The following PTPN13 variants were observed in gnomAD, a reference collection of about 807,000 sequenced individuals.
PTPN13 encodes the protein tyrosine-protein phosphatase non-receptor type 13.
PTPN13 carries 191 observed loss-of-function variants against 284.0 expected under a neutral mutation model. That is an observed-to-expected ratio of 0.67 (90% CI 0.60 to 0.76). The LOEUF is 0.76. Among genes scored for constraint, PTPN13 ranks in the 30% least tolerant of loss-of-function variants. The pLI is 0.00. For missense variants in PTPN13, 2,797 were observed against 2,939.9 expected (o/e 0.95, Z 1.12); for synonymous variants, 986 against 1,022.3 (o/e 0.96, Z 0.68).
rs1736592077 is a variant in PTPN13 at position 86,745,119 on chromosome 4, C to A, written c.2641C>A (p.Gln881Lys). 1 of 1,609,356 alleles carries A rather than the reference C, an allele frequency of 6.2e-7. No individual in the cohort carries two copies. The highest frequency in any genetic ancestry group is 8.5e-7 in the Non-Finnish European group (1 of 1,178,244). Residue 881 changes from glutamine to lysine, a missense_variant, in exon 17 of 48, where the codon CAA becomes AAA. Transcript: ENST00000411767. ...AGCAAGACAGAGCAACCAAGATGCC[C>A]AAGATATTGGTAAGGAGAAGCAGAC... ...MRARQSNQDA[Q>K]DIERASFRSL...
intron 1 of PTPN13, among the ~76,000 whole-genome samples, chr4:86,621,155 C>T (rs1721188554): frequency 1.3e-5 from 2 of 152,288 alleles, no homozygotes; most frequent in East Asian, 3.9e-4. Context: ...ACGTGGGGAT[C>T]ACACTGCAGG....
At chr4:86,750,024 T>C (rs535672454) in intron 17 of PTPN13, among the ~76,000 whole-genome samples, 1 of 152,340 alleles carries the variant, frequency 6.6e-6, no homozygotes, top group African/African-American at 2.4e-5. Context: ...CATAGCTTTT[T>C]CAGGTGTGTA....
intron 7 of PTPN13, among the ~76,000 whole-genome samples, chr4:86,711,909 A>G (rs1014984323): frequency 6.6e-6 from 1 of 152,186 alleles, no homozygotes; most frequent in East Asian, 1.9e-4. Flanking sequence ...TCCATTGCAC[A>G]TGATTCAAGA....
At chr4:86,696,750 A>G (rs892646855) in intron 6 of PTPN13, among the ~76,000 whole-genome samples, 3 of 152,034 alleles carry the variant, frequency 2.0e-5, no homozygotes, top group Admixed American at 2.0e-4. Context: ...TCTCCCTTGT[A>G]TCTAAACTCA....
chr4:86,789,977 A>G (rs1742434348), intron 40 of PTPN13, among the ~76,000 whole-genome samples: 1 of 151,834 alleles, frequency 6.6e-6, no homozygotes, highest in Non-Finnish European at 1.5e-5. Context: ...TTACCTCACC[A>G]TTTTCATTTA....
intron 1 of PTPN13, among the ~76,000 whole-genome samples, chr4:86,629,497 G>C (rs980317016): frequency 6.6e-6 from 1 of 152,046 alleles, no homozygotes; most frequent in Non-Finnish European, 1.5e-5. Context: ...TACACTGTTG[G>C]TGGGACTGTG....
intron 47 of PTPN13, 135 bp from the exon 48 acceptor site, chr4:86,814,321 C>G: frequency 1.7e-6 from 1 of 573,492 alleles, no homozygotes; most frequent in Non-Finnish European, 3.0e-6. Flanking sequence ...CTGTTTCTTG[C>G]ATTCAACATT....
chr4:86,715,024 G>A (rs1026211772), intron 7 of PTPN13, among the ~76,000 whole-genome samples: 1 of 152,084 alleles, frequency 6.6e-6, no homozygotes, highest in African/African-American at 2.4e-5. Context: ...AGATATTCAG[G>A]TAAAGAAGAA....
At chr4:86,665,792 G>A (rs1726997277) in intron 2 of PTPN13, among the ~76,000 whole-genome samples, 1 of 152,118 alleles carries the variant, frequency 6.6e-6, no homozygotes, top group Non-Finnish European at 1.5e-5. Context: ...TGGAACTACA[G>A]TACTTGTCAT....
At chr4:86,796,851 A>T (rs1259225595) in intron 40 of PTPN13, 23 bp from the exon 41 acceptor site, 10 of 1,425,382 alleles carry the variant, frequency 7.0e-6, no homozygotes, top group Non-Finnish European at 9.6e-6. Context: ...GGCTGATTTG[A>T]TTCTTATATA....
chr4:86,610,436 A>G (rs1765162590), intron 1 of PTPN13, among the ~76,000 whole-genome samples: 2 of 152,234 alleles, frequency 1.3e-5, no homozygotes, highest in African/African-American at 4.8e-5. Flanking sequence ...TTGTTAGAAT[A>G]TTATTATACA....
intron 7 of PTPN13, among the ~76,000 whole-genome samples, chr4:86,705,303 C>A (rs1177099261): frequency 7.4e-6 from 1 of 134,344 alleles, no homozygotes; most frequent in African/African-American, 3.0e-5. Flanking sequence ...CATTGCACTG[C>A]AGCCTGGGTG....
At chr4:86,668,060 C>T (rs1435465429) in intron 2 of PTPN13, among the ~76,000 whole-genome samples, 1 of 152,106 alleles carries the variant, frequency 6.6e-6, no homozygotes, top group African/African-American at 2.4e-5. Flanking sequence ...TTCTGCTTAT[C>T]CTTAACCTTG....
intron 28 of PTPN13, among the ~76,000 whole-genome samples, chr4:86,768,380 A>G (rs11097119): frequency 0.13 from 19,510 of 152,182 alleles, 1,537 homozygotes; most frequent in African/African-American, 0.21. Flanking sequence ...AGATATTCAC[A>G]TAGTAGTGCC....
In PTPN13 at chr4:86,646,542, C is replaced by T. The variant is rs1258700326; in HGVS notation, c.115+11171C>T. 2.0e-5 allele frequency among the ~76,000 whole-genome samples: 3 copies of T among 152,218 alleles called. No individual in the cohort carries two copies. The South Asian group carries it at 6.2e-4, about 31-fold the overall frequency. Reference sequence around the variant, plus strand: ...GGAACTCCTGGCCTCAAATCATCGGCCTGCCGCAGCCTCCCAAAGTGCTGG... The same window carrying T: ...GGAACTCCTGGCCTCAAATCATCGGTCTGCCGCAGCCTCCCAAAGTGCTGG... On this transcript the variant is annotated intron_variant, in intron 2 of 47. Coordinates refer to ENST00000411767, the MANE Select transcript of PTPN13 (RefSeq NM_080683.3).
chr4:86,653,614 T>C (rs932930160), intron 2 of PTPN13, among the ~76,000 whole-genome samples: 3 of 152,136 alleles, frequency 2.0e-5, no homozygotes, highest in Non-Finnish European at 4.4e-5. Context: ...AGCAGAAATT[T>C]CAAACCATTG....
chr4:86,807,950 C>A, intron 45 of PTPN13, 53 bp downstream of exon 45: 1 of 1,437,236 alleles, frequency 7.0e-7, no homozygotes. Flanking sequence ...AGTTGTAATC[C>A]AAGCCTGGAC....
chr4:86,598,967 C>T (rs369516158), intron 1 of PTPN13, among the ~76,000 whole-genome samples: 1 of 152,092 alleles, frequency 6.6e-6, no homozygotes, highest in East Asian at 1.9e-4. Flanking sequence ...CCTATGTTAC[C>T]CAGCCTGGTC....
In PTPN13 at chr4:86,766,512, G is replaced by A; in HGVS notation, c.4324G>A (p.Gly1442Arg). The A allele has an allele frequency of 1.9e-6, 3 of 1,601,566 alleles. No homozygotes were observed. Among genetic ancestry groups the A allele is most frequent in the Non-Finnish European group, 2.6e-6 (3 of 1,174,618 alleles). Residue 1442 changes from glycine (G) to arginine (R), a missense_variant, in exon 27 of 48, where the codon GGA becomes AGA. Physicochemically the swap from Gly to Arg is moderately radical, Grantham distance 125 (BLOSUM62 -2). Coordinates refer to ENST00000411767, the MANE Select transcript of PTPN13 (RefSeq NM_080683.3). Reference protein sequence around the residue: ...KQAVETLRNTGQVVHLLLEKG... With the variant: ...KQAVETLRNTRQVVHLLLEKG... ...AGCTGTGGAAACACTGAGAAATACAGGACAGGTAACAGATCATTATACCAA... is the reference window on the plus strand; with the variant it reads ...AGCTGTGGAAACACTGAGAAATACAAGACAGGTAACAGATCATTATACCAA...
Sources: gnomAD v4.1 joint callset for allele counts (sites outside exome capture counted in the v4.1 genomes callset) on GRCh38, gnomAD v4.1.1 for gene constraint, MANE v1.5 for transcripts, NCBI Gene and HGNC (gene_info 2026-07-23, HGNC 2026-07-21) for gene names.